Variants in DENND1A observed in about 807,000 individuals in gnomAD.
The protein encoded by DENND1A is DENN domain-containing protein 1A.
A neutral mutation model predicts 113.7 loss-of-function variants in DENND1A; 51 were observed. The ratio of observed to expected loss-of-function variants is 0.45; its 90% CI spans 0.36 to 0.57. DENND1A has a LOEUF of 0.57. DENND1A is among the 20% of genes least tolerant of loss of function. The pLI is 0.00. For synonymous variants in DENND1A, 565 were observed against 570.8 expected, an observed-to-expected ratio of 0.99 and a Z score of 0.14; for missense variants, 1,258 against 1,395.9, an observed-to-expected ratio of 0.90 and a Z score of 1.57.
chr9:123,567,480 C>A (rs148371922), intron 12 of DENND1A, among the ~76,000 whole-genome samples: 1 of 152,042 alleles, frequency 6.6e-6, no homozygotes, highest in Non-Finnish European at 1.5e-5. Context: ...AAATGGACTG[C>A]AAACCAAAAA....
intron 2 of DENND1A, among the ~76,000 whole-genome samples, chr9:123,862,101 A>T (rs191705065): frequency 0.063 from 9,604 of 152,172 alleles, 419 homozygotes; most frequent in African/African-American, 0.13. Flanking sequence ...AATAAAAAAA[A>T]ATTTTTTTTT....
At chr9:123,869,332 T>C (rs1158313382) in intron 2 of DENND1A, among the ~76,000 whole-genome samples, 4 of 152,208 alleles carry the variant, frequency 2.6e-5, no homozygotes, top group African/African-American at 9.7e-5. Flanking sequence ...TTTTCTTACC[T>C]ATATAATTAG....
intron 19 of DENND1A, among the ~76,000 whole-genome samples, chr9:123,439,413 G>A (rs1019040402): frequency 2.6e-5 from 4 of 152,134 alleles, no homozygotes; most frequent in East Asian, 1.9e-4. Flanking sequence ...TGTGAGTTTC[G>A]TTCATTTCTG....
chr9:123,483,226 C>T (rs1024520839), intron 13 of DENND1A, among the ~76,000 whole-genome samples: 1 of 152,150 alleles, frequency 6.6e-6, no homozygotes, highest in Non-Finnish European at 1.5e-5. Flanking sequence ...TAGTACTCGC[C>T]AGGGTCTCCT....
At chr9:123,392,506 G>A (rs1471422703) in intron 21 of DENND1A, among the ~76,000 whole-genome samples, 1 of 152,122 alleles carries the variant, frequency 6.6e-6, no homozygotes, top group African/African-American at 2.4e-5. Flanking sequence ...CGTGGCTCCA[G>A]TGGGCAGGTG....
intron 4 of DENND1A, among the ~76,000 whole-genome samples, chr9:123,761,017 C>T (rs10118767): frequency 0.34 from 51,364 of 151,892 alleles, 12,085 homozygotes; most frequent in African/African-American, 0.67. Context: ...GGAAGGGTAT[C>T]GATAGGACTC....
chr9:123,635,293 C>G (rs921651952), intron 9 of DENND1A, among the ~76,000 whole-genome samples: 1 of 151,852 alleles, frequency 6.6e-6, no homozygotes, highest in African/African-American at 2.4e-5. Context: ...GGAAAGAGTG[C>G]GTGTGTGTTG....
intron 19 of DENND1A, among the ~76,000 whole-genome samples, chr9:123,434,155 A>G (rs1409231113): frequency 6.6e-6 from 1 of 152,068 alleles, no homozygotes; most frequent in Non-Finnish European, 1.5e-5. Flanking sequence ...GCCTCCTGAG[A>G]AGCTGGGACT....
chr9:123,404,011 C>T (rs1047485661), intron 20 of DENND1A, among the ~76,000 whole-genome samples: 15 of 152,214 alleles, frequency 9.9e-5, no homozygotes, highest in African/African-American at 3.6e-4. Flanking sequence ...AGTGCCACTA[C>T]AAATCGTCTT....
At chr9:123,683,204 G>A (rs2064584839) in intron 5 of DENND1A, among the ~76,000 whole-genome samples, 1 of 152,172 alleles carries the variant, frequency 6.6e-6, no homozygotes, top group Admixed American at 6.5e-5. Context: ...GCACAGAGTT[G>A]AGGCAAAGTC....
intron 19 of DENND1A, among the ~76,000 whole-genome samples, chr9:123,413,009 C>T (rs1329776629): frequency 1.3e-5 from 2 of 152,158 alleles, no homozygotes; most frequent in African/African-American, 4.8e-5. Context: ...CATGGTGAAA[C>T]CCCCATCTAT....
chr9:123,424,781 A>G (rs950776407), intron 19 of DENND1A, among the ~76,000 whole-genome samples: 1 of 152,246 alleles, frequency 6.6e-6, no homozygotes, highest in African/African-American at 2.4e-5. Flanking sequence ...TCATAACTGC[A>G]TCAGTCTTAG....
At chr9:123,647,812 G>T (rs1204749369) in intron 9 of DENND1A, among the ~76,000 whole-genome samples, 1 of 152,056 alleles carries the variant, frequency 6.6e-6, no homozygotes, top group Non-Finnish European at 1.5e-5. Flanking sequence ...TGGTAGTCAT[G>T]AGAACTATTT....
intron 2 of DENND1A, among the ~76,000 whole-genome samples, chr9:123,875,651 T>C (rs1847343758): frequency 6.6e-6 from 1 of 152,180 alleles, no homozygotes. Flanking sequence ...CCTAGGGATG[T>C]ATACACCAGT....
chr9:123,618,797 G>A (rs1347171851), intron 10 of DENND1A, among the ~76,000 whole-genome samples: 1 of 152,160 alleles, frequency 6.6e-6, no homozygotes, highest in Non-Finnish European at 1.5e-5. Flanking sequence ...GAGCTGTCCC[G>A]CTATACTCCT....
chr9:123,802,236 G>T (rs1834794559), intron 2 of DENND1A, among the ~76,000 whole-genome samples: 1 of 152,100 alleles, frequency 6.6e-6, no homozygotes, highest in Admixed American at 6.5e-5. Context: ...TCAAGAGTTG[G>T]ATGTTTCTTC....
chr9:123,857,937 T>C (rs1416710267), intron 2 of DENND1A, among the ~76,000 whole-genome samples: 1 of 151,786 alleles, frequency 6.6e-6, no homozygotes, highest in Non-Finnish European at 1.5e-5. Flanking sequence ...CGGACGCCTG[T>C]AGTCCCAGCT....
chr9:123,432,293 G>C (rs2046192564), intron 19 of DENND1A, among the ~76,000 whole-genome samples: 2 of 152,230 alleles, frequency 1.3e-5, no homozygotes, highest in Non-Finnish European at 1.5e-5. Context: ...TCAGAAAGCT[G>C]TCTCTGGGCT....
intron 1 of DENND1A, among the ~76,000 whole-genome samples, chr9:123,899,305 T>C (rs997853285): frequency 2.0e-5 from 3 of 152,144 alleles, no homozygotes; most frequent in Admixed American, 6.5e-5. Context: ...GACTCGCCAG[T>C]GTCTATGAAG....
Sources: allele counts gnomAD v4.1 joint callset (sites outside exome capture counted in the v4.1 genomes callset), GRCh38; gene constraint gnomAD v4.1.1; transcripts MANE v1.5; gene names NCBI Gene and HGNC (gene_info 2026-07-23, HGNC 2026-07-21).